SSH2: variants seen among roughly 807,000 people sequenced by gnomAD.
The protein encoded by SSH2 is slingshot protein phosphatase 2.
A neutral mutation model predicts 135.2 loss-of-function variants in SSH2; 37 were observed. The observed-to-expected ratio is 0.27, with a 90% confidence interval of 0.21 to 0.36. The LOEUF (loss-of-function observed/expected upper bound fraction) is 0.36, where lower values mean the gene tolerates loss of function less well. Ranked by LOEUF, SSH2 falls within the 10% of genes least tolerant of loss-of-function variation. SSH2 has a pLI of 1.00. For synonymous variants in SSH2, 628 were observed against 646.2 expected (o/e 0.97, Z 0.43); for missense variants, 1,408 against 1,765.3 (o/e 0.80, Z 3.63).
chr17:29,899,005 A>G (rs1415259455), intron 1 of SSH2, among the ~76,000 whole-genome samples: 1 of 152,242 alleles, frequency 6.6e-6, no homozygotes, highest in Admixed American at 6.5e-5. Flanking sequence ...AATCCAGCAT[A>G]TAAACAGAAC....
At chr17:29,661,348 T>C (rs1044818231) in intron 11 of SSH2, among the ~76,000 whole-genome samples, 1 of 152,200 alleles carries the variant, frequency 6.6e-6, no homozygotes, top group African/African-American at 2.4e-5. Context: ...CGTTTGTTAA[T>C]TGGAAGATCA....
At chr17:29,799,609 A>C (rs903564259) in intron 2 of SSH2, among the ~76,000 whole-genome samples, 1 of 152,204 alleles carries the variant, frequency 6.6e-6, no homozygotes, top group African/African-American at 2.4e-5. Context: ...ACACCAAAAG[A>C]AGGATAATTC....
intron 11 of SSH2, 32 bp from the exon 12 acceptor site, chr17:29,655,639 A>G (rs200004629): frequency 2.9e-5 from 46 of 1,601,332 alleles, no homozygotes; most frequent in Non-Finnish European, 3.7e-5. Context: ...GTTAAGGAGT[A>G]TTAGCAAATC....
intron 3 of SSH2, among the ~76,000 whole-genome samples, chr17:29,791,918 T>C (rs1448907487): frequency 9.2e-6 from 1 of 108,526 alleles, no homozygotes; most frequent in African/African-American, 3.9e-5. Context: ...CTTCTTCCTC[T>C]TTTTTTTTTT....
rs530039705 is a variant in SSH2 at position 29,656,814 on chromosome 17, T to C, written c.1033-1207A>G. Among the ~76,000 whole-genome samples the C allele has an allele frequency of 1.8e-4, 28 of 152,298 alleles. 1 individual carries two copies. The highest frequency in any genetic ancestry group is 6.7e-4 in the African/African-American group (28 of 41,558). On this transcript the variant is annotated intron_variant, in intron 11 of 15. Transcript: ENST00000540801. The stretch of plus-strand genomic sequence containing the variant: ...CTTGAGCATGTATCATCTAAGAACA[T>C]TTTCTTACATAATATGATCATACCA...
chr17:29,689,168 A>C (rs906135423), intron 5 of SSH2, among the ~76,000 whole-genome samples: 3 of 152,296 alleles, frequency 2.0e-5, no homozygotes, highest in Non-Finnish European at 4.4e-5. Flanking sequence ...AAAAAAAAAA[A>C]AAAGTTCCTT....
At chr17:29,685,856 T>C (rs1010998158) in intron 5 of SSH2, among the ~76,000 whole-genome samples, 1 of 151,498 alleles carries the variant, frequency 6.6e-6, no homozygotes, top group Admixed American at 6.6e-5. Context: ...CTTTTTCTTT[T>C]TTTTTTTTTG....
intron 2 of SSH2, 134 bp downstream of exon 2, chr17:29,848,715 C>T: frequency 3.7e-6 from 2 of 542,240 alleles, no homozygotes; most frequent in East Asian, 3.0e-5. Flanking sequence ...TATTTGCCTT[C>T]CCAGACATTT....
At chr17:29,923,148 G>C (rs2067005002) in intron 1 of SSH2, among the ~76,000 whole-genome samples, 1 of 152,170 alleles carries the variant, frequency 6.6e-6, no homozygotes, top group African/African-American at 2.4e-5. Flanking sequence ...CTGACCTTGT[G>C]ATCCGCCCAC....
chr17:29,723,675 T>C (rs987885951), intron 3 of SSH2, among the ~76,000 whole-genome samples: 1 of 152,028 alleles, frequency 6.6e-6, no homozygotes, highest in Non-Finnish European at 1.5e-5. Flanking sequence ...GATATTATTC[T>C]GTGTTTTCAA....
intron 2 of SSH2, among the ~76,000 whole-genome samples, chr17:29,830,927 A>T (rs2042833765): frequency 6.6e-6 from 1 of 152,246 alleles, no homozygotes; most frequent in Non-Finnish European, 1.5e-5. Context: ...GCTTTAATGC[A>T]TGACAATGAG....
At chr17:29,859,170 G>T (rs2065716055) in intron 1 of SSH2, among the ~76,000 whole-genome samples, 1 of 152,012 alleles carries the variant, frequency 6.6e-6, no homozygotes, top group South Asian at 2.1e-4. Flanking sequence ...GCATCTAGTG[G>T]CTATCTGCAT....
intron 11 of SSH2, among the ~76,000 whole-genome samples, chr17:29,661,522 C>T (rs191756202): frequency 1.3e-5 from 2 of 152,246 alleles, no homozygotes; most frequent in East Asian, 3.9e-4. Context: ...GGCAAGAGCC[C>T]TGCTGGCTTG....
intron 2 of SSH2, among the ~76,000 whole-genome samples, chr17:29,817,411 A>G (rs954581190): frequency 1.3e-5 from 2 of 152,214 alleles, no homozygotes; most frequent in African/African-American, 4.8e-5. Context: ...TTATTGATGC[A>G]TCTTATCCCC....
In SSH2 at chr17:29,631,559, T is replaced by C; in HGVS notation, c.3635A>G (p.Asp1212Gly). The change falls in exon 16 of 16, where the codon GAC becomes GGC. Residue 1212 changes from aspartate to glycine, a missense_variant. Physicochemically the swap from Asp to Gly is moderately conservative, Grantham distance 94 (BLOSUM62 -1). Coordinates refer to ENST00000540801, the MANE Select transcript of SSH2 (RefSeq NM_001282129.2). ...ACCAAGTTTGCTAATTAAACTTAGGTCTGCGCTACTTAGCTGGGAGTCCTT... is the reference window on the plus strand; with the variant it reads ...ACCAAGTTTGCTAATTAAACTTAGGCCTGCGCTACTTAGCTGGGAGTCCTT... ...PYKDSQLSSADLSLISKLGDN... is the reference protein window; with the variant it reads ...PYKDSQLSSAGLSLISKLGDN... 2 of 1,614,120 alleles carry C rather than the reference T, an allele frequency of 1.2e-6. No individual in the cohort carries two copies. Among genetic ancestry groups the C allele is most frequent in the Non-Finnish European group, 1.7e-6 (2 of 1,180,026 alleles).
chr17:29,695,529 G>A lies in SSH2; in HGVS notation c.293-6C>T. 1 of 1,606,674 alleles carries A rather than the reference G, an allele frequency of 6.2e-7. No individual in the cohort carries two copies. Among genetic ancestry groups the A allele is most frequent in the Non-Finnish European group, 8.5e-7 (1 of 1,176,132 alleles). ...GAGATGCTGTTGGAGATCGCCTGGTGAAATTTACAAACCAAAGGATAATTA... is the reference window on the plus strand; with the variant it reads ...GAGATGCTGTTGGAGATCGCCTGGTAAAATTTACAAACCAAAGGATAATTA... On this transcript the variant is annotated splice_polypyrimidine_tract_variant and splice_region_variant and intron_variant, in intron 4 of 15. Transcript: ENST00000540801.
At chr17:29,765,086 C>T (rs1431742376) in intron 3 of SSH2, among the ~76,000 whole-genome samples, 1 of 152,176 alleles carries the variant, frequency 6.6e-6, no homozygotes, top group Non-Finnish European at 1.5e-5. Context: ...CTAAGACTGG[C>T]CAAGTCCCTT....
intron 2 of SSH2, among the ~76,000 whole-genome samples, chr17:29,819,002 G>A (rs962789473): frequency 1.3e-5 from 2 of 151,946 alleles, no homozygotes; most frequent in East Asian, 1.9e-4. Flanking sequence ...CGAGGCGGGC[G>A]GATCACCTGA....
chr17:29,722,442 G>A (rs942149369), intron 3 of SSH2, among the ~76,000 whole-genome samples: 7 of 152,110 alleles, frequency 4.6e-5, no homozygotes, highest in African/African-American at 1.7e-4. Flanking sequence ...AGGACTCATC[G>A]ATGGAGTACT....
Sources: allele counts gnomAD v4.1 joint callset (sites outside exome capture counted in the v4.1 genomes callset), GRCh38; gene constraint gnomAD v4.1.1; transcripts MANE v1.5; gene names NCBI Gene and HGNC (gene_info 2026-07-23, HGNC 2026-07-21).